The following CACNA1C variants were observed in gnomAD, a reference collection of about 807,000 sequenced individuals.
CACNA1C encodes the protein calcium voltage-gated channel subunit alpha1 C.
In CACNA1C, 30 loss-of-function variants were observed where a neutral mutation model predicts 229.0. That is an observed-to-expected ratio of 0.13 (90% CI 0.10 to 0.18). The LOEUF is 0.18. Ranked by LOEUF, CACNA1C falls within the 10% of genes least tolerant of loss-of-function variation. CACNA1C has a pLI of 1.00. For synonymous variants in CACNA1C, 1,114 were observed against 1,132.5 expected, an observed-to-expected ratio of 0.98 and a Z score of 0.33; for missense variants, 1,658 against 2,845.0, an observed-to-expected ratio of 0.58 and a Z score of 9.49.
chr12:2,474,227 C>A (rs927286836), intron 5 of CACNA1C, among the ~76,000 whole-genome samples: 1 of 152,172 alleles, frequency 6.6e-6, no homozygotes, highest in African/African-American at 2.4e-5. Context: ...TGCAACCAAG[C>A]CACCTTTTCC....
At chr12:2,006,997 T>G (rs2043586376) in intron 1 of CACNA1C, among the ~76,000 whole-genome samples, 1 of 152,206 alleles carries the variant, frequency 6.6e-6, no homozygotes, top group Non-Finnish European at 1.5e-5. Flanking sequence ...TAGACAACTT[T>G]CCATGTTAGT....
rs759274364 is a variant in CACNA1C at position 2,606,604 on chromosome 12, C to T, written c.3157-7C>T. ...ACATCTCTGATACTCTGTTCTCTGCCTTCCAGGGAAAGCTGTACACCTGTT... is the reference window on the plus strand; with the variant it reads ...ACATCTCTGATACTCTGTTCTCTGCTTTCCAGGGAAAGCTGTACACCTGTT... On this transcript the variant is annotated splice_region_variant and splice_polypyrimidine_tract_variant and intron_variant, in intron 24 of 46. Coordinates refer to ENST00000399655, the MANE Select transcript of CACNA1C (RefSeq NM_000719.7). The T allele has an allele frequency of 2.6e-5, 42 of 1,601,590 alleles. 2 individuals are homozygous for T. In the Admixed American group the frequency reaches 3.1e-4, roughly 12 times the overall value.
rs1464851503 is a variant in CACNA1C, at chr12:2,639,065, G to A, written c.3912+4685G>A. On this transcript the variant is annotated intron_variant, in intron 30 of 46. Transcript: ENST00000399655. The surrounding 1 kb of genome is among the most constrained non-coding windows in gnomAD (Gnocchi z 4.2). Reference sequence around the variant, plus strand: ...TTCTGTTCATCTGGGAGATGCCGCTGAACAACTGCCAGGTGTCACAAGAGG... The same window carrying A: ...TTCTGTTCATCTGGGAGATGCCGCTAAACAACTGCCAGGTGTCACAAGAGG... Among the ~76,000 whole-genome samples, 1 of 152,240 alleles carries A rather than the reference G, an allele frequency of 6.6e-6. No individual in the cohort carries two copies. Among genetic ancestry groups the A allele is most frequent in the African/African-American group, 2.4e-5 (1 of 41,466 alleles).
At position 2,688,657 on chromosome 12, in the gene CACNA1C, A is replaced by G. The variant is rs1309581039; in HGVS notation, c.5995A>G (p.Thr1999Ala). 3.1e-6 allele frequency: 5 copies of G among 1,613,418 alleles called. No homozygotes were observed. The Admixed American group carries it at 8.3e-5, about 27-fold the overall frequency. Reference sequence around the variant, plus strand: ...CCACTGCGGCTCCTGGGCTGAGACCACCCCCGGTGGCGGGGGCAGCAGCGC... The same window carrying G: ...CCACTGCGGCTCCTGGGCTGAGACCGCCCCCGGTGGCGGGGGCAGCAGCGC... ...SIHCGSWAET[T>A]PGGGGSSAAR... is the part of the protein sequence containing the mutation. The change falls in exon 46 of 47, where the codon ACC becomes GCC. Residue 1999 changes from threonine (T) to alanine (A), a missense_variant. Physicochemically the swap from Thr to Ala is moderately conservative, Grantham distance 58 (BLOSUM62 0). Around this residue, in one of 20 missense-constraint regions of CACNA1C, gnomAD observed 590 missense variants for 700.8 expected, o/e 0.84. Coordinates refer to ENST00000399655, the MANE Select transcript of CACNA1C (RefSeq NM_000719.7).
intron 21 of CACNA1C, among the ~76,000 whole-genome samples, chr12:2,600,327 AG>A (rs2153394923): frequency 6.6e-6 from 1 of 152,320 alleles, no homozygotes; most frequent in South Asian, 2.1e-4. Context: ...CAGGTGCCTG[AG>A]TCCTTTGGGA....
chr12:2,083,298 T>C (rs2066374467), intron 1 of CACNA1C, among the ~76,000 whole-genome samples: 1 of 152,202 alleles, frequency 6.6e-6, no homozygotes, highest in Non-Finnish European at 1.5e-5. Flanking sequence ...CATGGACTCC[T>C]CCAATTTCTC....
chr12:2,284,512 A>G (rs1182807971), intron 3 of CACNA1C, among the ~76,000 whole-genome samples: 2 of 152,198 alleles, frequency 1.3e-5, no homozygotes, highest in Admixed American at 6.5e-5. Context: ...AGGCGGGCAT[A>G]CTGCCCGCTT....
rs2050920687 is a variant in CACNA1C, at chr12:2,566,406, C to T, written c.1509-16C>T. ...TCACAGCCAACCCCACCCTTCTCTC[C>T]CTGTCCCCTTTCCAGCCGCTACTGG... is the stretch of plus-strand genomic sequence containing the variant. On this transcript the variant is annotated splice_polypyrimidine_tract_variant and intron_variant, in intron 11 of 46. Transcript: ENST00000399655. The surrounding 1 kb of genome is among the most constrained non-coding windows in gnomAD (Gnocchi z 4.0). The T allele has an allele frequency of 6.3e-7, 1 of 1,577,584 alleles. No individual in the cohort carries two copies. Among genetic ancestry groups the T allele is most frequent in the Non-Finnish European group, 8.6e-7 (1 of 1,161,266 alleles).
intron 5 of CACNA1C, among the ~76,000 whole-genome samples, chr12:2,484,638 T>C (rs1399930437): frequency 1.3e-5 from 2 of 152,040 alleles, no homozygotes; most frequent in African/African-American, 4.8e-5. Flanking sequence ...AGACACCCCT[T>C]CATGCCTGGG....
chr12:2,251,710 A>G (rs1250204885), intron 3 of CACNA1C, among the ~76,000 whole-genome samples: 1 of 152,254 alleles, frequency 6.6e-6, no homozygotes, highest in East Asian at 1.9e-4. Flanking sequence ...TCTTGGAAAA[A>G]TAATCAGAAA....
At chr12:2,430,716 G>GCATT (rs997794003) in intron 3 of CACNA1C, among the ~76,000 whole-genome samples, 1 of 152,052 alleles carries the variant, frequency 6.6e-6, no homozygotes, top group African/African-American at 2.4e-5. Flanking sequence ...CTCCTTCCTG[G>GCATT]CATTGTAGGA....
At chr12:2,283,765 G>A (rs1479143782) in intron 3 of CACNA1C, among the ~76,000 whole-genome samples, 1 of 152,162 alleles carries the variant, frequency 6.6e-6, no homozygotes, top group Non-Finnish European at 1.5e-5. Flanking sequence ...CGTCTGGTCC[G>A]AATCCTGGGC....
intron 1 of CACNA1C, among the ~76,000 whole-genome samples, chr12:2,035,207 A>G (rs1451128772): frequency 6.6e-6 from 1 of 152,206 alleles, no homozygotes; most frequent in Non-Finnish European, 1.5e-5. Context: ...GCTGCTCCAG[A>G]ACTGCCACCT....
intron 1 of CACNA1C, among the ~76,000 whole-genome samples, chr12:2,031,641 G>T (rs1308831841): frequency 6.6e-6 from 1 of 152,122 alleles, no homozygotes; most frequent in East Asian, 1.9e-4. Flanking sequence ...TAGAGTAAAG[G>T]TTCTGAATGT....
intron 25 of CACNA1C, 62 bp from the exon 26 acceptor site, chr12:2,606,922 G>T (rs990593434): frequency 1.1e-5 from 18 of 1,574,926 alleles, no homozygotes; most frequent in Non-Finnish European, 1.2e-5. Flanking sequence ...AAGGTCACTG[G>T]CAGGCCAGGC....
At chr12:2,256,435 C>G (rs1163027861) in intron 3 of CACNA1C, among the ~76,000 whole-genome samples, 1 of 152,144 alleles carries the variant, frequency 6.6e-6, no homozygotes, top group East Asian at 1.9e-4. Context: ...TAGAAGAAAA[C>G]AACTGCTTAA....
chr12:2,101,495 G>A (rs1199801066), intron 1 of CACNA1C, among the ~76,000 whole-genome samples: 2 of 152,104 alleles, frequency 1.3e-5, no homozygotes, highest in Non-Finnish European at 1.5e-5. Context: ...CGTCCTCACC[G>A]TGCAGAACAG....
chr12:2,007,853 T>C (rs1402389710), intron 1 of CACNA1C, among the ~76,000 whole-genome samples: 3 of 152,208 alleles, frequency 2.0e-5, no homozygotes, highest in African/African-American at 7.2e-5. Flanking sequence ...TTTCAGCCTA[T>C]GAATCCTCAT....
intron 8 of CACNA1C, among the ~76,000 whole-genome samples, chr12:2,509,855 G>A (rs932753551): frequency 1.3e-5 from 2 of 152,172 alleles, no homozygotes; most frequent in Non-Finnish European, 2.9e-5. Flanking sequence ...TTTGTCATCT[G>A]CACATGTCCA....
Sources: gnomAD v4.1 joint callset for allele counts (sites outside exome capture counted in the v4.1 genomes callset) on GRCh38, gnomAD v4.1.1 for gene constraint, gnomAD v4.1.1 regional missense constraint, Gnocchi (gnomAD v3.1) non-coding constraint, MANE v1.5 for transcripts, NCBI Gene and HGNC (gene_info 2026-07-23, HGNC 2026-07-21) for gene names.